The following ADAM12 variants were observed in gnomAD, a reference collection of about 807,000 sequenced individuals.
ADAM12 encodes the protein ADAM metallopeptidase domain 12.
Under a neutral mutation model 106.4 loss-of-function variants are expected in ADAM12, and 70 were observed. That is an observed-to-expected ratio of 0.66 (90% CI 0.54 to 0.80). The LOEUF (loss-of-function observed/expected upper bound fraction) is 0.80. Among genes scored for constraint, ADAM12 ranks in the 30% least tolerant of loss-of-function variants. The pLI is 0.00. For synonymous variants in ADAM12, 420 were observed against 433.5 expected (o/e 0.97, Z 0.39); for missense variants, 1,010 against 1,171.9 (o/e 0.86, Z 2.02).
intron 1 of ADAM12, among the ~76,000 whole-genome samples, chr10:126,383,646 A>C (rs1856563216): frequency 6.6e-6 from 1 of 152,150 alleles, no homozygotes; most frequent in Admixed American, 6.5e-5. Context: ...GACAAGCAGA[A>C]TACCATCAAC....
intron 2 of ADAM12, among the ~76,000 whole-genome samples, chr10:126,304,570 G>A (rs1232410635): frequency 6.6e-6 from 1 of 152,040 alleles, no homozygotes; most frequent in African/African-American, 2.4e-5. Context: ...AAAGAGCAAA[G>A]AGCAGTAAAT....
At chr10:126,364,976 G>A (rs181023614) in intron 1 of ADAM12, among the ~76,000 whole-genome samples, 1 of 152,206 alleles carries the variant, frequency 6.6e-6, no homozygotes, top group Admixed American at 6.5e-5. Context: ...ACTTAATTTT[G>A]TGTCTCATTT....
intron 1 of ADAM12, among the ~76,000 whole-genome samples, chr10:126,349,696 A>G (rs886606196): frequency 3.3e-5 from 5 of 152,128 alleles, no homozygotes; most frequent in Non-Finnish European, 7.4e-5. Context: ...AAAGGAAGCA[A>G]CTCCTATTTT....
chr10:126,051,445 C>T (rs1350909581), intron 14 of ADAM12, among the ~76,000 whole-genome samples: 1 of 151,944 alleles, frequency 6.6e-6, no homozygotes, highest in African/African-American at 2.4e-5. Context: ...GTCCATCCAG[C>T]CAGCCACCCA....
intron 3 of ADAM12, among the ~76,000 whole-genome samples, chr10:126,224,441 A>G (rs1187230535): frequency 4.6e-5 from 7 of 152,048 alleles, no homozygotes; most frequent in African/African-American, 1.7e-4. Flanking sequence ...GCCTTTCTGG[A>G]GAAGAGGTCC....
At chr10:126,185,438 A>AC (rs1323563244) in intron 3 of ADAM12, among the ~76,000 whole-genome samples, 1 of 152,114 alleles carries the variant, frequency 6.6e-6, no homozygotes, top group African/African-American at 2.4e-5. Context: ...CCCACTTTGC[A>AC]AGAGTCAAGG....
chr10:126,289,063 A>G (rs1590737326), intron 2 of ADAM12, among the ~76,000 whole-genome samples: 1 of 146,226 alleles, frequency 6.8e-6, no homozygotes, highest in Admixed American at 6.8e-5. Context: ...GAAAAGGACC[A>G]TGTGGTGACA....
chr10:126,258,667 C>G (rs906841976), intron 3 of ADAM12, among the ~76,000 whole-genome samples: 4 of 152,188 alleles, frequency 2.6e-5, no homozygotes, highest in African/African-American at 9.7e-5. Flanking sequence ...GCCAGAGCCT[C>G]CATGCCACAA....
chr10:126,296,992 G>C (rs909498648), intron 2 of ADAM12, among the ~76,000 whole-genome samples: 1 of 152,212 alleles, frequency 6.6e-6, no homozygotes, highest in Non-Finnish European at 1.5e-5. Flanking sequence ...AGCATGAGAT[G>C]CTGGTGTTGG....
Position 126,066,855 on chromosome 10 carries a change from C to T in ADAM12, c.1324-49G>A. ...TTGACAGGGTCTTATGGAGTATGCA[C>T]TCACTGAATGCAAACATCACACCTT... On this transcript the variant is annotated intron_variant, in intron 12 of 22. Transcript: ENST00000448723. The surrounding 1 kb of genome is among the most constrained non-coding windows in gnomAD (Gnocchi z 5.1). The T allele has an allele frequency of 1.3e-6, 2 of 1,536,902 alleles. No homozygotes were observed. The highest frequency in any genetic ancestry group is 9.0e-7 in the Non-Finnish European group (1 of 1,111,876).
intron 17 of ADAM12, among the ~76,000 whole-genome samples, chr10:126,045,693 TATTTC>T (rs1301859794): frequency 1.3e-5 from 2 of 152,254 alleles, no homozygotes; most frequent in Admixed American, 6.5e-5. Flanking sequence ...CTTTTGGAAA[TATTTC>T]AGTTCAGACA....
chr10:126,297,411 T>C (rs1960429721), intron 2 of ADAM12, among the ~76,000 whole-genome samples: 1 of 152,078 alleles, frequency 6.6e-6, no homozygotes, highest in Non-Finnish European at 1.5e-5. Context: ...TAGCCAGGCT[T>C]GGTGGCATGT....
rs1298372624 is a variant in ADAM12 at position 126,016,197 on chromosome 10, T to TG, written c.*1081dup. The TG allele has an allele frequency of 1.3e-5, 2 of 152,042 alleles. No individual in the cohort carries two copies. The highest frequency in any genetic ancestry group is 1.3e-4 in the Admixed American group (2 of 15,268). 9.4% of individuals were successfully genotyped at this position (152,042 alleles called of 1,614,324 possible). A position where few individuals can be genotyped will look rare whatever the true frequency, so the allele number is the denominator to read the frequency against. On this transcript the variant is annotated 3_prime_UTR_variant, in exon 23 of 23. Transcript: ENST00000448723. ...TATACCCATGAACATCACATTCCAT[T>TG]GGTTGTAGTTTTTGCAAGCATAAAG... is the stretch of plus-strand genomic sequence containing the variant.
intron 13 of ADAM12, among the ~76,000 whole-genome samples, chr10:126,065,443 T>C (rs1360436373): frequency 1.3e-5 from 2 of 152,178 alleles, no homozygotes; most frequent in Non-Finnish European, 2.9e-5. Flanking sequence ...AAAATAACTT[T>C]AAGGTCACAA....
intron 5 of ADAM12, among the ~76,000 whole-genome samples, chr10:126,123,534 G>A (rs949793243): frequency 2.0e-5 from 3 of 152,208 alleles, no homozygotes; most frequent in Admixed American, 1.3e-4. Context: ...CAGAGAGAAG[G>A]GGGTTCTCAG....
At chr10:126,082,363 GTTTTTTTTTT>G (rs5788763) in intron 11 of ADAM12, among the ~76,000 whole-genome samples, 2 of 80,772 alleles carry the variant, frequency 2.5e-5, no homozygotes, top group Admixed American at 1.8e-4. Context: ...TCTAATGACT[GTTTTTTTTTT>G]TTTTTTTTTT....
At chr10:126,319,910 T>C (rs2133832298) in intron 2 of ADAM12, among the ~76,000 whole-genome samples, 1 of 152,348 alleles carries the variant, frequency 6.6e-6, no homozygotes, top group Non-Finnish European at 1.5e-5. Flanking sequence ...TTATTCTTCC[T>C]TGCCCCAAAT....
intron 21 of ADAM12, among the ~76,000 whole-genome samples, chr10:126,025,066 G>A (rs1370261360): frequency 6.6e-6 from 1 of 152,052 alleles, no homozygotes; most frequent in Non-Finnish European, 1.5e-5. Context: ...AAAGATCAAA[G>A]GTAGATAAGC....
chr10:126,293,268 C>A (rs1960234032), intron 2 of ADAM12, among the ~76,000 whole-genome samples: 1 of 152,222 alleles, frequency 6.6e-6, no homozygotes, highest in Non-Finnish European at 1.5e-5. Context: ...TTGGTTTCTA[C>A]TTCAATGGTA....
Sources: allele counts gnomAD v4.1 joint callset (sites outside exome capture counted in the v4.1 genomes callset), GRCh38; gene constraint gnomAD v4.1.1; non-coding constraint Gnocchi (gnomAD v3.1); transcripts MANE v1.5; gene names NCBI Gene and HGNC (gene_info 2026-07-23, HGNC 2026-07-21).